The following ARID2 variants were observed in gnomAD, a reference collection of about 807,000 sequenced individuals.
The protein encoded by ARID2 is AT-rich interactive domain-containing protein 2.
Under a neutral mutation model 184.6 loss-of-function variants are expected in ARID2, and 32 were observed. That is an observed-to-expected ratio of 0.17 (90% CI 0.13 to 0.23). ARID2 has a LOEUF of 0.23. Among genes scored for constraint, ARID2 ranks in the 10% least tolerant of loss-of-function variants. The pLI is 1.00. For synonymous variants in ARID2, 836 were observed against 772.6 expected (o/e 1.08, Z -1.36); for missense variants, 1,696 against 2,197.6 (o/e 0.77, Z 4.56).
Position 45,867,890 on chromosome 12 carries a change from C to T in ARID2, c.4922+6941C>T, listed in dbSNP as rs367820106. ...ACAGGCATGAGCCACTGCACCTGAC[C>T]ACTCTATGGGTTTTGACAACTATTA... On this transcript the variant is annotated intron_variant, in intron 16 of 20. Coordinates refer to ENST00000334344, the MANE Select transcript of ARID2 (RefSeq NM_152641.4). Among the ~76,000 whole-genome samples the T allele has an allele frequency of 2.3e-3, 344 of 152,264 alleles. 12 individuals are homozygous for T. In the South Asian group the frequency reaches 0.067, roughly 30 times the overall value.
chr12:45,778,255 C>A (rs547186404), intron 3 of ARID2, among the ~76,000 whole-genome samples: 122 of 152,048 alleles, frequency 8.0e-4, no homozygotes, highest in African/African-American at 2.8e-3. Context: ...CCCCCCCCAA[C>A]CCGCAAGAAA....
intron 3 of ARID2, among the ~76,000 whole-genome samples, chr12:45,775,084 C>T (rs897369734): frequency 3.3e-5 from 5 of 152,128 alleles, no homozygotes; most frequent in African/African-American, 1.2e-4. Flanking sequence ...GTTAATAGTG[C>T]TGAGGATGAG....
chr12:45,742,381 G>C (rs1353058311), intron 3 of ARID2, among the ~76,000 whole-genome samples: 1 of 152,164 alleles, frequency 6.6e-6, no homozygotes, highest in Non-Finnish European at 1.5e-5. Context: ...AGAGCAGCGG[G>C]CTATGCCTTA....
chr12:45,864,083 C>T (rs1303357209), intron 16 of ARID2, among the ~76,000 whole-genome samples: 1 of 151,918 alleles, frequency 6.6e-6, no homozygotes, highest in Non-Finnish European at 1.5e-5. Flanking sequence ...TCTCGAACTC[C>T]TGAACTCAAG....
chr12:45,802,439 T>TA (rs1468324044), intron 3 of ARID2, among the ~76,000 whole-genome samples: 1 of 152,190 alleles, frequency 6.6e-6, no homozygotes, highest in Non-Finnish European at 1.5e-5. Flanking sequence ...AAATACTTTT[T>TA]AAAAAACACC....
chr12:45,743,205 A>T (rs184300149), intron 3 of ARID2, among the ~76,000 whole-genome samples: 7 of 151,966 alleles, frequency 4.6e-5, no homozygotes, highest in Non-Finnish European at 1.0e-4. Context: ...AATAAAAAAA[A>T]AAAACATACA....
chr12:45,887,711 C>CGGTA (rs1051245015), intron 16 of ARID2, among the ~76,000 whole-genome samples: 11 of 152,146 alleles, frequency 7.2e-5, no homozygotes, highest in African/African-American at 2.7e-4. Flanking sequence ...CCCAGCTTAC[C>CGGTA]ACACAGGAAG....
chr12:45,815,820 C>G (rs950676991), intron 4 of ARID2, among the ~76,000 whole-genome samples: 2 of 152,140 alleles, frequency 1.3e-5, no homozygotes, highest in Non-Finnish European at 2.9e-5. Context: ...ACCACCACAA[C>G]TAGCTAAATG....
rs1431588149 is a variant in ARID2, at chr12:45,854,346, G to A, written c.4773+1450G>A. Among the ~76,000 whole-genome samples the A allele has an allele frequency of 7.2e-5, 11 of 152,070 alleles. 1 individual carries two copies. Among genetic ancestry groups the A allele is most frequent in the Non-Finnish European group, 1.6e-4 (11 of 68,016 alleles). The stretch of plus-strand genomic sequence containing the variant: ...CCCAAAACCATCTCCTCACTCCCTG[G>A]TCTGTGGAAAAATTGTCCTCCATGA... On this transcript the variant is annotated intron_variant, in intron 15 of 20. Transcript: ENST00000334344.
chr12:45,777,328 T>C (rs1474322352), intron 3 of ARID2, among the ~76,000 whole-genome samples: 1 of 152,130 alleles, frequency 6.6e-6, no homozygotes, highest in Non-Finnish European at 1.5e-5. Flanking sequence ...GTACTGTTAG[T>C]CTATTTGAGA....
chr12:45,812,070 G>A (rs558464763), intron 4 of ARID2, among the ~76,000 whole-genome samples: 84 of 151,748 alleles, frequency 5.5e-4, no homozygotes, highest in Non-Finnish European at 6.5e-4. Flanking sequence ...AAAAATCAGC[G>A]CGAGTGTTGA....
chr12:45,880,021 A>C (rs1213486548), intron 16 of ARID2, among the ~76,000 whole-genome samples: 1 of 152,162 alleles, frequency 6.6e-6, no homozygotes, highest in Non-Finnish European at 1.5e-5. Context: ...GGCAAAGTTA[A>C]GAAAGGCCCT....
chr12:45,898,568 G>A (rs1413045265), intron 20 of ARID2, among the ~76,000 whole-genome samples: 1 of 152,190 alleles, frequency 6.6e-6, no homozygotes, highest in African/African-American at 2.4e-5. Flanking sequence ...TAGAATTGTG[G>A]TGATGGTTGC....
At chr12:45,788,619 T>C (rs1275440289) in intron 3 of ARID2, among the ~76,000 whole-genome samples, 1 of 151,970 alleles carries the variant, frequency 6.6e-6, no homozygotes, top group Non-Finnish European at 1.5e-5. Context: ...GATATGGGAG[T>C]TTATAATACT....
chr12:45,785,419 G>A (rs931205546), intron 3 of ARID2, among the ~76,000 whole-genome samples: 5 of 152,042 alleles, frequency 3.3e-5, no homozygotes, highest in South Asian at 2.1e-4. Context: ...TCCATAAGAC[G>A]CACAGAAATC....
intron 3 of ARID2, among the ~76,000 whole-genome samples, chr12:45,788,222 A>G (rs1942230906): frequency 6.6e-6 from 1 of 152,168 alleles, no homozygotes. Context: ...TATTGATGCT[A>G]TTTTTATTCA....
At chr12:45,866,963 T>C (rs1397916008) in intron 16 of ARID2, among the ~76,000 whole-genome samples, 1 of 148,912 alleles carries the variant, frequency 6.7e-6, no homozygotes, top group Non-Finnish European at 1.5e-5. Flanking sequence ...TTGTTGTTGT[T>C]GTTTGGAGAT....
At chr12:45,870,447 C>A (rs183138096) in intron 16 of ARID2, among the ~76,000 whole-genome samples, 16 of 152,240 alleles carry the variant, frequency 1.1e-4, no homozygotes, top group Non-Finnish European at 1.5e-5. Flanking sequence ...AATATTGATA[C>A]ACTAGTATTA....
chr12:45,750,244 T>C (rs952833223), intron 3 of ARID2, among the ~76,000 whole-genome samples: 1 of 152,012 alleles, frequency 6.6e-6, no homozygotes, highest in Admixed American at 6.6e-5. Flanking sequence ...GGGAGAGAAA[T>C]GGGAGAATGA....
Sources: gnomAD v4.1 joint callset for allele counts (sites outside exome capture counted in the v4.1 genomes callset) on GRCh38, gnomAD v4.1.1 for gene constraint, MANE v1.5 for transcripts, NCBI Gene and HGNC (gene_info 2026-07-23, HGNC 2026-07-21) for gene names.